ANO3: variants seen among roughly 807,000 people sequenced by gnomAD.
The protein encoded by ANO3 is anoctamin 3, also known as anoctamin-3.
A neutral mutation model predicts 144.8 loss-of-function variants in ANO3; 99 were observed. The ratio of observed to expected loss-of-function variants is 0.68; its 90% confidence interval spans 0.58 to 0.81. The LOEUF is 0.81. ANO3 is among the 30% of genes least tolerant of loss of function. ANO3 has a pLI of 0.00. For missense variants in ANO3, 905 were observed against 1,202.2 expected, an observed-to-expected ratio of 0.75 and a Z score of 3.66; for synonymous variants, 414 against 392.6, an observed-to-expected ratio of 1.05 and a Z score of -0.64.
intron 8 of ANO3, 52 bp from the exon 9 acceptor site, chr11:26,534,404 C>G (rs958478678): frequency 3.5e-5 from 42 of 1,210,266 alleles, no homozygotes; most frequent in Non-Finnish European, 4.6e-5. Context: ...GTAACTATTG[C>G]TGGATTCTGT....
chr11:26,502,264 G>A (rs1416842184), intron 4 of ANO3, among the ~76,000 whole-genome samples: 1 of 152,062 alleles, frequency 6.6e-6, no homozygotes, highest in Non-Finnish European at 1.5e-5. Context: ...ACATTTTTCT[G>A]ATCTCCTGAA....
chr11:26,441,057 C>G (rs1266091260), intron 1 of ANO3, among the ~76,000 whole-genome samples: 1 of 149,388 alleles, frequency 6.7e-6, no homozygotes, highest in African/African-American at 2.5e-5. Context: ...AGGGAAGTAG[C>G]TCTAACACTA....
chr11:26,493,502 A>T lies in ANO3; in HGVS notation c.433-14602A>T, dbSNP rs1468519553. Among the ~76,000 whole-genome samples the T allele has an allele frequency of 5.9e-5, 9 of 152,212 alleles. 1 individual carries two copies. The highest frequency in any genetic ancestry group is 2.9e-5 in the Non-Finnish European group (2 of 68,028). The stretch of plus-strand genomic sequence containing the variant: ...AATAAGGGTGCATTATAAAAGATGC[A>T]CATCAGTCCATCAGCAGCAGAGAGC... On this transcript the variant is annotated intron_variant, in intron 4 of 26. Transcript: ENST00000256737.
intron 1 of ANO3, among the ~76,000 whole-genome samples, chr11:26,419,269 C>G (rs1012461073): frequency 6.6e-6 from 1 of 152,094 alleles, no homozygotes; most frequent in African/African-American, 2.4e-5. Flanking sequence ...GGAATTGCCC[C>G]CATCATCTAA....
chr11:26,541,871 G>C (rs1167646956), intron 10 of ANO3, 76 bp from the exon 11 acceptor site: 2 of 1,356,940 alleles, frequency 1.5e-6, no homozygotes, highest in Non-Finnish European at 2.0e-6. Flanking sequence ...TATTCTGCAA[G>C]GGAAAATACA....
chr11:26,646,774 G>GTA (rs1176504289), intron 23 of ANO3, among the ~76,000 whole-genome samples: 1 of 151,886 alleles, frequency 6.6e-6, no homozygotes, highest in Admixed American at 6.6e-5. Flanking sequence ...GTCGGTTTTT[G>GTA]TAAACCAAAT....
In ANO3 at chr11:26,663,083, A is replaced by G. The variant is rs533560650; in HGVS notation, c.*2639A>G. Reference sequence around the variant, plus strand: ...AGAGCTTTCACTGTACAATGTGTGGAAAATCACCATAGATCATGGCTGAAA... The same window carrying G: ...AGAGCTTTCACTGTACAATGTGTGGGAAATCACCATAGATCATGGCTGAAA... On this transcript the variant is annotated 3_prime_UTR_variant, in exon 27 of 27. Coordinates refer to ENST00000256737, the MANE Select transcript of ANO3 (RefSeq NM_031418.4). The G allele has an allele frequency of 3.3e-5, 5 of 152,524 alleles. No homozygotes were observed. The highest frequency in any genetic ancestry group is 7.2e-5 in the African/African-American group (3 of 41,544). 9.4% of individuals were successfully genotyped at this position (152,524 alleles called of 1,614,324 possible). A position where few individuals can be genotyped will look rare whatever the true frequency, so the allele number is the denominator to read the frequency against.
At chr11:26,452,363 A>G (rs904342344) in intron 3 of ANO3, among the ~76,000 whole-genome samples, 1 of 152,174 alleles carries the variant, frequency 6.6e-6, no homozygotes, top group Non-Finnish European at 1.5e-5. Context: ...AACTAGAATA[A>G]CCAATACAGA....
intron 5 of ANO3, chr11:26,508,483 T>G: frequency 2.4e-6 from 1 of 415,860 alleles, no homozygotes. Flanking sequence ...AGGGCATGAC[T>G]ATTTTTGCAA....
intron 17 of ANO3, among the ~76,000 whole-genome samples, chr11:26,617,944 C>T (rs1852307956): frequency 1.3e-5 from 2 of 152,106 alleles, no homozygotes; most frequent in Admixed American, 1.3e-4. Flanking sequence ...TAGATTAAAA[C>T]CATTAATGTT....
At chr11:26,256,720 C>A in intron 1 of ANO3, among the ~76,000 whole-genome samples, 1 of 152,108 alleles carries the variant, frequency 6.6e-6, no homozygotes, top group East Asian at 1.9e-4. Flanking sequence ...ACAACGTACA[C>A]AATTAAGCTA....
intron 17 of ANO3, among the ~76,000 whole-genome samples, chr11:26,603,458 G>A (rs1319372246): frequency 8.4e-6 from 1 of 118,852 alleles, no homozygotes; most frequent in Non-Finnish European, 1.8e-5. Context: ...GATTCATATA[G>A]AAGGATTATC....
rs1858539839 is a variant in ANO3, at chr11:26,442,033, T to C, written c.162T>C (p.Thr54=). 6.2e-7 allele frequency: 1 copy of C among 1,614,198 alleles called. No homozygotes were observed. Among genetic ancestry groups the C allele is most frequent in the Middle Eastern group, 1.6e-4 (1 of 6,062 alleles). The part of the protein sequence containing the change: ...YAYSKSLSQS[T]SLFQSTESES... The stretch of plus-strand genomic sequence containing the variant: ...ACTCAAAGAGCTTGAGCCAGTCTAC[T>C]TCCCTCTTCCAGTCAACCGAGAGTG... Residue 54 remains threonine (T), a synonymous_variant, in exon 2 of 27, where the codon ACT becomes ACC. Coordinates refer to ENST00000256737, the MANE Select transcript of ANO3 (RefSeq NM_031418.4).
intron 1 of ANO3, among the ~76,000 whole-genome samples, chr11:26,336,647 T>C (rs554779399): frequency 6.6e-6 from 1 of 152,286 alleles, no homozygotes; most frequent in East Asian, 1.9e-4. Flanking sequence ...ATATCTAGTT[T>C]CAGAATCTCT....
intron 1 of ANO3, among the ~76,000 whole-genome samples, chr11:26,280,728 A>C (rs12271557): frequency 0.18 from 26,970 of 152,002 alleles, 2,641 homozygotes; most frequent in African/African-American, 0.27. Context: ...CAAGTTGACA[A>C]TATTTACCAT....
intron 9 of ANO3, among the ~76,000 whole-genome samples, chr11:26,537,034 G>A (rs918770578): frequency 2.3e-4 from 35 of 150,014 alleles, no homozygotes; most frequent in African/African-American, 7.6e-4. Context: ...GGTAGGGGAC[G>A]GGGACTGGGT....
At chr11:26,227,085 A>C (rs11029400) in intron 1 of ANO3, among the ~76,000 whole-genome samples, 2,307 of 152,270 alleles carry the variant, frequency 0.015, 48 homozygotes, top group East Asian at 0.12. Flanking sequence ...TTCACTTAGC[A>C]CAATGTCTTT....
chr11:26,405,199 T>C (rs1444518097), intron 1 of ANO3, among the ~76,000 whole-genome samples: 1 of 151,708 alleles, frequency 6.6e-6, no homozygotes, highest in Non-Finnish European at 1.5e-5. Context: ...ATAATTTCAT[T>C]AGGTAAAATA....
intron 14 of ANO3, among the ~76,000 whole-genome samples, chr11:26,587,855 C>G (rs772342383): frequency 2.0e-5 from 3 of 149,268 alleles, no homozygotes; most frequent in Admixed American, 6.7e-5. Context: ...ACTCAGGAGG[C>G]TGAGGCAAGA....
Sources: allele counts gnomAD v4.1 joint callset (sites outside exome capture counted in the v4.1 genomes callset), GRCh38; gene constraint gnomAD v4.1.1; transcripts MANE v1.5; gene names NCBI Gene and HGNC (gene_info 2026-07-23, HGNC 2026-07-21).